The following DNM3 variants were observed in gnomAD, a reference collection of about 807,000 sequenced individuals.
The protein encoded by DNM3 is dynamin-3.
In DNM3, 47 loss-of-function variants were observed where a neutral mutation model predicts 101.6. The ratio of observed to expected loss-of-function variants is 0.46; its 90% CI spans 0.37 to 0.59. The LOEUF is 0.59. Among genes scored for constraint, DNM3 ranks in the 20% least tolerant of loss-of-function variants. The pLI is 0.00. For synonymous variants in DNM3, 385 were observed against 387.9 expected (o/e 0.99, Z 0.09); for missense variants, 849 against 1,085.7 (o/e 0.78, Z 3.06).
chr1:171,883,363 CCACACACACACA>C (rs71107337), intron 1 of DNM3, among the ~76,000 whole-genome samples: 11,787 of 119,884 alleles, frequency 0.098, 674 homozygotes, highest in South Asian at 0.23. Flanking sequence ...CAAAAAAGGA[CCACACACACACA>C]CACACACACA....
At chr1:171,918,436 G>C (rs982924659) in intron 1 of DNM3, among the ~76,000 whole-genome samples, 1 of 152,316 alleles carries the variant, frequency 6.6e-6, no homozygotes, top group East Asian at 1.9e-4. Flanking sequence ...CAGCAAGAGT[G>C]TGCTGGGCAT....
chr1:171,915,834 C>G lies in DNM3; in HGVS notation c.162-5914C>G, dbSNP rs570017519. Among the ~76,000 whole-genome samples the G allele has an allele frequency of 2.0e-5, 3 of 152,286 alleles. No homozygotes were observed. The East Asian group carries it at 5.8e-4, about 29-fold the overall frequency. Reference sequence around the variant, plus strand: ...TTTGAGTTCTAGTGTTTGGCTACCTCTCTGGTAGCTCGTTTCTATTCTCTC... The same window carrying G: ...TTTGAGTTCTAGTGTTTGGCTACCTGTCTGGTAGCTCGTTTCTATTCTCTC... On this transcript the variant is annotated intron_variant, in intron 1 of 20. Coordinates refer to ENST00000627582, the MANE Select transcript of DNM3 (RefSeq NM_015569.5).
chr1:172,170,993 A>T (rs1259047901), intron 14 of DNM3, among the ~76,000 whole-genome samples: 1 of 151,762 alleles, frequency 6.6e-6, no homozygotes, highest in Admixed American at 6.6e-5. Context: ...ATGAGCCTGG[A>T]GTTTTTAACT....
intron 2 of DNM3, among the ~76,000 whole-genome samples, chr1:171,952,854 T>C (rs1045416450): frequency 4.6e-5 from 7 of 152,194 alleles, no homozygotes; most frequent in Non-Finnish European, 8.8e-5. Context: ...TATGTTTAAA[T>C]AACTATTTTC....
In DNM3 at chr1:172,171,610, T is replaced by G. The variant is rs116361052; in HGVS notation, c.1659+40322T>G. Among the ~76,000 whole-genome samples, 1,467 of 151,874 alleles carry G rather than the reference T, an allele frequency of 9.7e-3. 24 individuals carry two copies. The highest frequency in any genetic ancestry group is 0.034 in the African/African-American group (1,400 of 41,508). On this transcript the variant is annotated intron_variant, in intron 14 of 20. Coordinates refer to ENST00000627582, the MANE Select transcript of DNM3 (RefSeq NM_015569.5). ...AGAGTAGCTGTATACTGTCTACAAC[T>G]GCTGTGCAGAAAGACCTCAGTGCCA...
At chr1:172,106,844 A>ATTATTTTTTTT (rs1289662689) in intron 13 of DNM3, among the ~76,000 whole-genome samples, 1 of 51,050 alleles carries the variant, frequency 2.0e-5, no homozygotes, top group Non-Finnish European at 4.1e-5. Context: ...AGGTAACATT[A>ATTATTTTTTTT]TTCTTTTTTT....
chr1:171,932,851 T>A (rs987790842), intron 2 of DNM3, among the ~76,000 whole-genome samples: 9 of 152,234 alleles, frequency 5.9e-5, no homozygotes, highest in African/African-American at 1.9e-4. Flanking sequence ...AGAATATTAA[T>A]AAGTTTCTTT....
Position 171,988,412 on chromosome 1 carries a change from T to C in DNM3, c.386-533T>C, listed in dbSNP as rs191804322. On this transcript the variant is annotated intron_variant, in intron 3 of 20. Transcript: ENST00000627582. ...AAGGGTACTTGGTGCCAACATTGTT[T>C]ATATGGAGAGGTTGGGCTAGAGTCA... 3.2e-3 allele frequency among the ~76,000 whole-genome samples: 490 copies of C among 152,196 alleles called. 3 individuals carry two copies. Among genetic ancestry groups the C allele is most frequent in the African/African-American group, 0.011 (459 of 41,518 alleles).
chr1:172,055,544 G>T (rs2050536582), intron 10 of DNM3, among the ~76,000 whole-genome samples: 1 of 151,946 alleles, frequency 6.6e-6, no homozygotes, highest in East Asian at 1.9e-4. Context: ...TGTGTTATAA[G>T]ATAATTAAGG....
At chr1:172,402,256 G>A (rs909843244) in intron 20 of DNM3, among the ~76,000 whole-genome samples, 1 of 152,076 alleles carries the variant, frequency 6.6e-6, no homozygotes, top group Non-Finnish European at 1.5e-5. Flanking sequence ...ATAGAAAATG[G>A]TTTTTGTAGA....
chr1:172,016,021 C>CA (rs55970040), intron 4 of DNM3, among the ~76,000 whole-genome samples: 17,383 of 136,002 alleles, frequency 0.13, 1,140 homozygotes, highest in East Asian at 0.24. Flanking sequence ...ACTAAAATTA[C>CA]AAAAAAAAAA....
intron 1 of DNM3, among the ~76,000 whole-genome samples, chr1:171,900,567 A>T (rs2038219839): frequency 6.6e-6 from 1 of 152,110 alleles, no homozygotes; most frequent in African/African-American, 2.4e-5. Context: ...GATCTTGGTG[A>T]GGGCGGCTTC....
chr1:172,298,707 G>A (rs1437515973), intron 15 of DNM3, among the ~76,000 whole-genome samples: 1 of 152,054 alleles, frequency 6.6e-6, no homozygotes, highest in East Asian at 1.9e-4. Context: ...GGAATCCCCA[G>A]GGGATATAAT....
At chr1:171,889,868 T>A (rs1412590186) in intron 1 of DNM3, among the ~76,000 whole-genome samples, 2 of 152,200 alleles carry the variant, frequency 1.3e-5, no homozygotes, top group African/African-American at 4.8e-5. Context: ...GGGCTTTAAG[T>A]ATCTTTATTT....
chr1:172,031,269 G>A (rs892285803), intron 4 of DNM3, among the ~76,000 whole-genome samples: 9 of 152,114 alleles, frequency 5.9e-5, no homozygotes, highest in Admixed American at 2.0e-4. Flanking sequence ...AATGAAGCTG[G>A]AAGCCATTAT....
intron 13 of DNM3, among the ~76,000 whole-genome samples, chr1:172,123,310 T>A (rs766574494): frequency 2.6e-5 from 4 of 152,216 alleles, no homozygotes; most frequent in Non-Finnish European, 5.9e-5. Context: ...TTTTCACAAC[T>A]TCTTTATCTC....
rs190287328 is a variant in DNM3, at chr1:172,203,942, C to G, written c.1660-49631C>G. On this transcript the variant is annotated intron_variant, in intron 14 of 20. Coordinates refer to ENST00000627582, the MANE Select transcript of DNM3 (RefSeq NM_015569.5). ...ATAAAGTGGATAAAACTGTATGCCA[C>G]ATTTTTAAAGGTGAAAAGATTATTG... is the stretch of plus-strand genomic sequence containing the variant. Among the ~76,000 whole-genome samples the G allele has an allele frequency of 3.9e-5, 6 of 152,236 alleles. No individual in the cohort carries two copies. The East Asian group carries it at 1.2e-3, about 29-fold the overall frequency.
intron 4 of DNM3, among the ~76,000 whole-genome samples, chr1:172,018,618 AC>A (rs1423987189): frequency 2.0e-5 from 3 of 152,172 alleles, no homozygotes; most frequent in Non-Finnish European, 2.9e-5. Flanking sequence ...TAGTGCAAGT[AC>A]CTGATAATAA....
chr1:171,848,267 C>T (rs1007649780), intron 1 of DNM3, among the ~76,000 whole-genome samples: 3 of 152,154 alleles, frequency 2.0e-5, no homozygotes, highest in Admixed American at 6.5e-5. Context: ...TCTTTCATTA[C>T]TCTTCTTGAT....
Sources: gnomAD v4.1 joint callset for allele counts (sites outside exome capture counted in the v4.1 genomes callset) on GRCh38, gnomAD v4.1.1 for gene constraint, MANE v1.5 for transcripts, NCBI Gene and HGNC (gene_info 2026-07-23, HGNC 2026-07-21) for gene names.